The following RBMS3 variants were observed in gnomAD, a reference collection of about 807,000 sequenced individuals.
The protein encoded by RBMS3 is RNA binding motif single stranded interacting protein 3.
A neutral mutation model predicts 66.8 loss-of-function variants in RBMS3; 27 were observed. The ratio of observed to expected loss-of-function variants is 0.40; its 90% CI spans 0.30 to 0.56. RBMS3 has a LOEUF of 0.56. Among genes scored for constraint, RBMS3 ranks in the 20% least tolerant of loss-of-function variants. The pLI, the probability that RBMS3 is intolerant of heterozygous loss-of-function variation, is 0.40. For missense variants in RBMS3, 513 were observed against 549.5 expected, an observed-to-expected ratio of 0.93 and a Z score of 0.66; for synonymous variants, 188 against 183.0, an observed-to-expected ratio of 1.03 and a Z score of -0.22.
intron 6 of RBMS3, among the ~76,000 whole-genome samples, chr3:29,783,427 G>T (rs1228780944): frequency 6.6e-6 from 1 of 152,100 alleles, no homozygotes; most frequent in African/African-American, 2.4e-5. Context: ...TATCAGCCAA[G>T]AATTTTGTAT....
Position 29,482,232 on chromosome 3 carries a change from T to TTA in RBMS3, c.249-6201_249-6200dup, listed in dbSNP as rs540215620. Among the ~76,000 whole-genome samples, 131 of 152,286 alleles carry TTA rather than the reference T, an allele frequency of 8.6e-4. 1 individual carries two copies. The highest frequency in any genetic ancestry group is 1.6e-3 in the Non-Finnish European group (112 of 68,016). On this transcript the variant is annotated intron_variant, in intron 2 of 14. Coordinates refer to ENST00000383767, the MANE Select transcript of RBMS3 (RefSeq NM_001003793.3). ...CATAAACTTTCGCTAAGGTGACAGG[T>TTA]TATATATATCCCCAAATTACATAAC...
At chr3:29,721,787 T>C (rs897190923) in intron 4 of RBMS3, among the ~76,000 whole-genome samples, 1 of 152,212 alleles carries the variant, frequency 6.6e-6, no homozygotes, top group Non-Finnish European at 1.5e-5. Flanking sequence ...AAGAGAAATA[T>C]ATCTGTAATT....
chr3:29,830,582 G>A (rs2058346287), intron 6 of RBMS3, among the ~76,000 whole-genome samples: 1 of 152,090 alleles, frequency 6.6e-6, no homozygotes, highest in South Asian at 2.1e-4. Context: ...AGAGATACAG[G>A]CCTGGAAAGC....
At chr3:29,864,910 G>C (rs1047986307) in intron 6 of RBMS3, among the ~76,000 whole-genome samples, 1 of 125,826 alleles carries the variant, frequency 7.9e-6, no homozygotes, top group Non-Finnish European at 1.6e-5. Context: ...AGGAGGAAGA[G>C]AGAGAGAGGA....
chr3:29,624,646 G>A (rs143402997), intron 4 of RBMS3, among the ~76,000 whole-genome samples: 3 of 152,116 alleles, frequency 2.0e-5, no homozygotes, highest in South Asian at 2.1e-4. Context: ...GCCATAGTTC[G>A]TTTATGTTTC....
chr3:29,674,133 A>T (rs1008809596), intron 4 of RBMS3, among the ~76,000 whole-genome samples: 2 of 152,156 alleles, frequency 1.3e-5, no homozygotes, highest in Admixed American at 6.5e-5. Flanking sequence ...CATCATATAA[A>T]CAGAACCAAA....
intron 3 of RBMS3, among the ~76,000 whole-genome samples, chr3:29,542,259 A>T (rs9813273): frequency 6.6e-6 from 1 of 152,020 alleles, no homozygotes; most frequent in East Asian, 1.9e-4. Flanking sequence ...AAATGTAGAA[A>T]GTGATGTCTT....
intron 1 of RBMS3, among the ~76,000 whole-genome samples, chr3:29,418,227 C>T (rs1433090695): frequency 6.6e-6 from 1 of 152,126 alleles, no homozygotes; most frequent in Admixed American, 6.5e-5. Context: ...CTAGGTCATG[C>T]CATTCTCAGT....
chr3:29,308,746 CAAAAAAAAACA>C (rs1384822946), intron 1 of RBMS3, among the ~76,000 whole-genome samples: 339 of 18,798 alleles, frequency 0.018, 2 homozygotes, highest in African/African-American at 0.058. Context: ...TAAAAAAAAA[CAAAAAAAAACA>C]AAAAAAAAAA....
chr3:29,379,511 G>C (rs2038658293), intron 1 of RBMS3, among the ~76,000 whole-genome samples: 1 of 152,144 alleles, frequency 6.6e-6, no homozygotes, highest in Non-Finnish European at 1.5e-5. Flanking sequence ...TCACAATCAT[G>C]GCAAAAGGTG....
At chr3:29,332,413 T>A (rs1264348576) in intron 1 of RBMS3, among the ~76,000 whole-genome samples, 1 of 152,196 alleles carries the variant, frequency 6.6e-6, no homozygotes, top group East Asian at 1.9e-4. Flanking sequence ...CTCTGTGTCA[T>A]CCTCAAATAT....
intron 6 of RBMS3, among the ~76,000 whole-genome samples, chr3:29,843,197 C>T (rs2058702587): frequency 6.6e-6 from 1 of 152,164 alleles, no homozygotes. Context: ...TTGTGAACTT[C>T]TATTAACTCA....
At chr3:29,324,050 A>AT (rs1049989548) in intron 1 of RBMS3, among the ~76,000 whole-genome samples, 4 of 151,714 alleles carry the variant, frequency 2.6e-5, no homozygotes, top group Admixed American at 2.0e-4. Context: ...ACATACCTAG[A>AT]TTTTTTTTAT....
In RBMS3 at chr3:29,497,973, A is replaced by ATTTTTTTTTTTTTTTTTTTTTTTTTT. The variant is rs779555263; in HGVS notation, c.307+9486_307+9511dup. Among the ~76,000 whole-genome samples the ATTTTTTTTTTTTTTTTTTTTTTTTTT allele has an allele frequency of 6.9e-5, 3 of 43,438 alleles. 1 individual carries two copies. Among genetic ancestry groups the ATTTTTTTTTTTTTTTTTTTTTTTTTT allele is most frequent in the Non-Finnish European group, 1.2e-4 (3 of 24,406 alleles). 28.5% of individuals were successfully genotyped at this position (43,438 alleles called of 152,430 possible). A position where few individuals can be genotyped will look rare whatever the true frequency, so the allele number is the denominator to read the frequency against. ...TCAGAGTTATTCTCTAAAAGTATTC[A>ATTTTTTTTTTTTTTTTTTTTTTTTTT]TTTTTTTTTTTTTTTTTTTTTTTTT... On this transcript the variant is annotated intron_variant, in intron 3 of 14. Coordinates refer to ENST00000383767, the MANE Select transcript of RBMS3 (RefSeq NM_001003793.3).
At chr3:29,287,650 G>C (rs2032468514) in intron 1 of RBMS3, among the ~76,000 whole-genome samples, 1 of 151,994 alleles carries the variant, frequency 6.6e-6, no homozygotes, top group Non-Finnish European at 1.5e-5. Context: ...GAGGTGTCTA[G>C]TTTTAATGAG....
At chr3:29,285,745 C>T (rs1333929271) in intron 1 of RBMS3, among the ~76,000 whole-genome samples, 1 of 152,122 alleles carries the variant, frequency 6.6e-6, no homozygotes, top group Non-Finnish European at 1.5e-5. Flanking sequence ...AGCCACCCGT[C>T]TCTAAAAGTC....
At chr3:29,368,424 A>G (rs576990134) in intron 1 of RBMS3, among the ~76,000 whole-genome samples, 21 of 152,204 alleles carry the variant, frequency 1.4e-4, no homozygotes, top group Admixed American at 7.2e-4. Context: ...GTTATCCCCA[A>G]TGCCTAGTAT....
intron 4 of RBMS3, among the ~76,000 whole-genome samples, chr3:29,727,416 A>G (rs2053932625): frequency 6.6e-6 from 1 of 152,210 alleles, no homozygotes; most frequent in African/African-American, 2.4e-5. Flanking sequence ...AACTATCATC[A>G]GAGTGAACAT....
intron 12 of RBMS3, among the ~76,000 whole-genome samples, chr3:29,952,798 A>T (rs1695771703): frequency 6.6e-6 from 1 of 151,822 alleles, no homozygotes; most frequent in Non-Finnish European, 1.5e-5. Context: ...AGGGAACTTT[A>T]TGTGCCTGCT....
Sources: gnomAD v4.1 joint callset for allele counts (sites outside exome capture counted in the v4.1 genomes callset) on GRCh38, gnomAD v4.1.1 for gene constraint, MANE v1.5 for transcripts, NCBI Gene and HGNC (gene_info 2026-07-23, HGNC 2026-07-21) for gene names.